Variants in TACC2 observed in about 807,000 individuals in gnomAD.
The protein encoded by TACC2 is transforming acidic coiled-coil-containing protein 2.
TACC2 carries 137 observed loss-of-function variants against 227.3 expected under a neutral mutation model. That is an observed-to-expected ratio of 0.60 (90% CI 0.52 to 0.69). The LOEUF is 0.69. Ranked by LOEUF, TACC2 falls within the 30% of genes least tolerant of loss-of-function variation. The probability of loss-of-function intolerance (pLI) is 0.00; values close to 1 mark genes in which losing one functional copy is unlikely to be tolerated. For synonymous variants in TACC2, 1,523 were observed against 1,487.5 expected (o/e 1.02, Z -0.55); for missense variants, 3,470 against 3,694.4 (o/e 0.94, Z 1.57).
rs1394419746 is a variant in TACC2, at chr10:122,228,002, T to A, written c.7890T>A (p.Ile2630=). The part of the protein sequence containing the change: ...AMGLGTPSEA[I]EITAPEGSFA... ...GCTTGGGCACCCCTTCAGAAGCGAT[T>A]GAAATTGTAAGTGGAGTTGGAGGGC... Residue 2630 remains isoleucine, a synonymous_variant, in exon 14 of 23, where the codon ATT becomes ATA. Coordinates refer to ENST00000369005, the MANE Select transcript of TACC2 (RefSeq NM_206862.4). 3 of 1,612,284 alleles carry A rather than the reference T, an allele frequency of 1.9e-6. No homozygotes were observed. Among genetic ancestry groups the A allele is most frequent in the Non-Finnish European group, 2.5e-6 (3 of 1,179,316 alleles).
At chr10:122,213,484 G>A (rs547793186) in intron 9 of TACC2, 516 of 1,166,742 alleles carry the variant, frequency 4.4e-4, no homozygotes, top group Non-Finnish European at 6.3e-4. Flanking sequence ...TGCTACTGAT[G>A]TGTTTCTGTG....
chr10:122,027,356 G>A (rs547512782), intron 2 of TACC2, among the ~76,000 whole-genome samples: 1 of 152,288 alleles, frequency 6.6e-6, no homozygotes, highest in African/African-American at 2.4e-5. Context: ...TTTGGATAAA[G>A]TGTGCCTTTT....
At chr10:122,142,404 G>T (rs1386185393) in intron 6 of TACC2, among the ~76,000 whole-genome samples, 2 of 152,246 alleles carry the variant, frequency 1.3e-5, no homozygotes, top group Non-Finnish European at 2.9e-5. Flanking sequence ...GGGCTGGGAA[G>T]TGCCTGCTGG....
At chr10:122,165,843 TTGCTAGCATC>T (rs537461935) in intron 7 of TACC2, among the ~76,000 whole-genome samples, 115 of 152,342 alleles carry the variant, frequency 7.5e-4, no homozygotes, top group African/African-American at 2.8e-3. Flanking sequence ...GCCAGTGCCA[TTGCTAGCATC>T]TGTCCTCTTC....
intron 7 of TACC2, among the ~76,000 whole-genome samples, chr10:122,187,158 G>A (rs2094228944): frequency 6.6e-6 from 1 of 152,182 alleles, no homozygotes; most frequent in African/African-American, 2.4e-5. Flanking sequence ...TTTGTGTTGG[G>A]GAGTGAGGAG....
rs140230252 is a variant in TACC2 at position 122,222,287 on chromosome 10, A to G, written c.7547-2439A>G. On this transcript the variant is annotated intron_variant, in intron 11 of 22. Transcript: ENST00000369005. Reference sequence around the variant, plus strand: ...AAGTTCAGGAAGATGTTTTCTCAAAATAGCAGAGATCACCCAAGATGACAG... The same window carrying G: ...AAGTTCAGGAAGATGTTTTCTCAAAGTAGCAGAGATCACCCAAGATGACAG... Among the ~76,000 whole-genome samples, 317 of 152,340 alleles carry G rather than the reference A, an allele frequency of 2.1e-3. 3 individuals are homozygous for G. The highest frequency in any genetic ancestry group is 7.5e-3 in the African/African-American group (313 of 41,578).
chr10:122,156,397 T>C (rs2092478048), intron 7 of TACC2, among the ~76,000 whole-genome samples: 1 of 151,122 alleles, frequency 6.6e-6, no homozygotes, highest in Non-Finnish European at 1.5e-5. Flanking sequence ...CTAATTTTTT[T>C]GTATTTTTAG....
intron 7 of TACC2, among the ~76,000 whole-genome samples, chr10:122,182,598 C>G (rs2140301913): frequency 6.6e-6 from 1 of 152,294 alleles, no homozygotes; most frequent in African/African-American, 2.4e-5. Flanking sequence ...TAAGAGCCTT[C>G]AAATCCTTTC....
chr10:122,036,414 C>T (rs1194013051), intron 2 of TACC2, among the ~76,000 whole-genome samples: 2 of 151,472 alleles, frequency 1.3e-5, no homozygotes, highest in South Asian at 2.1e-4. Flanking sequence ...AGGATGGTCT[C>T]GATCTCCTGA....
chr10:122,040,093 C>T (rs983326100), intron 2 of TACC2, among the ~76,000 whole-genome samples: 2 of 152,160 alleles, frequency 1.3e-5, no homozygotes, highest in African/African-American at 4.8e-5. Context: ...TCAGGGGGCT[C>T]TAAGCAGCCT....
chr10:122,104,051 G>A (rs144401495), intron 5 of TACC2, among the ~76,000 whole-genome samples: 35 of 152,296 alleles, frequency 2.3e-4, no homozygotes, highest in African/African-American at 7.7e-4. Flanking sequence ...TGAAGGCAAG[G>A]ATGTTGTCTT....
At position 122,083,083 on chromosome 10, in the gene TACC2, G is replaced by A; in HGVS notation, c.583G>A (p.Asp195Asn). 6.2e-7 allele frequency: 1 copy of A among 1,612,844 alleles called. No homozygotes were observed. Among genetic ancestry groups the A allele is most frequent in the Non-Finnish European group, 8.5e-7 (1 of 1,180,012 alleles). ...CTCCTTCTCCTTCTCCAGTGGCATCGACCAGTCACCTGGAATGTCGCCAGT... is the reference window on the plus strand; with the variant it reads ...CTCCTTCTCCTTCTCCAGTGGCATCAACCAGTCACCTGGAATGTCGCCAGT... ...KSSFSFSSGI[D>N]QSPGMSPVPL... Residue 195 changes from aspartate (D) to asparagine (N), a missense_variant, in exon 4 of 23, where the codon GAC becomes AAC. Transcript: ENST00000369005.
At position 122,254,191 on chromosome 10, in the gene TACC2, T is replaced by C. The variant is rs2096299626; in HGVS notation, c.*135T>C. ...TACTGTATTTCCTTTCTAAATAAAA[T>C]TGATTTGATTGTATGCAGTACTAAG... On this transcript the variant is annotated 3_prime_UTR_variant, in exon 23 of 23. Transcript: ENST00000369005. The C allele has an allele frequency of 1.3e-6, 1 of 775,822 alleles. No individual in the cohort carries two copies. The highest frequency in any genetic ancestry group is 2.6e-5 in the East Asian group (1 of 38,104). 48.1% of individuals were successfully genotyped at this position (775,822 alleles called of 1,614,324 possible). A position where few individuals can be genotyped will look rare whatever the true frequency, so the allele number is the denominator to read the frequency against.
At chr10:122,151,549 C>A (rs2092040102) in intron 7 of TACC2, among the ~76,000 whole-genome samples, 1 of 152,066 alleles carries the variant, frequency 6.6e-6, no homozygotes, top group Admixed American at 6.5e-5. Flanking sequence ...TTAGAGGGGC[C>A]TGCAGCCAGA....
intron 2 of TACC2, among the ~76,000 whole-genome samples, chr10:122,031,228 T>C (rs1208546065): frequency 3.3e-5 from 5 of 152,026 alleles, no homozygotes. Flanking sequence ...GCTGCAATAG[T>C]GGCTGAGTCC....
Position 122,085,010 on chromosome 10 carries a change from C to T in TACC2, c.2510C>T (p.Pro837Leu). 1 of 1,614,206 alleles carries T rather than the reference C, an allele frequency of 6.2e-7. No homozygotes were observed. Among genetic ancestry groups the T allele is most frequent in the Non-Finnish European group, 8.5e-7 (1 of 1,180,040 alleles). Reference protein sequence around the residue: ...EKHLQPSQAQPETSIFDVLKE... With the variant: ...EKHLQPSQAQLETSIFDVLKE... ...CATCTCCAGCCATCCCAGGCACAAC[C>T]AGAGACATCCATCTTTGACGTGCTC... is the stretch of plus-strand genomic sequence containing the variant. The change falls in exon 4 of 23, where the codon CCA (proline) becomes CTA (leucine). Residue 837 changes from proline to leucine, a missense_variant. By Grantham distance (98) the Pro-to-Leu change is moderately conservative. This residue lies in a region of TACC2 where 1,924 missense variants were observed against 1,978.3 expected (regional missense o/e 0.97). Transcript: ENST00000369005.
rs1048926715 is a variant in TACC2 at position 122,150,024 on chromosome 10, T to A, written c.5834+6318T>A. ...CGGAGTGGGTGCTGGGCTGTCCCGC[T>A]GGCTTCAGCCTGAGGAGCAGGAGCA... On this transcript the variant is annotated intron_variant, in intron 7 of 22. Transcript: ENST00000369005. The surrounding 1 kb of genome is among the most constrained non-coding windows in gnomAD (Gnocchi z 4.0). Among the ~76,000 whole-genome samples, 1 of 152,196 alleles carries A rather than the reference T, an allele frequency of 6.6e-6. No individual in the cohort carries two copies. Among genetic ancestry groups the A allele is most frequent in the Non-Finnish European group, 1.5e-5 (1 of 68,038 alleles).
chr10:122,006,365 T>C (rs1311777074), intron 1 of TACC2, among the ~76,000 whole-genome samples: 1 of 151,924 alleles, frequency 6.6e-6, no homozygotes, highest in Non-Finnish European at 1.5e-5. Context: ...AGGAGAATGG[T>C]GTGAACCTGG....
At chr10:122,112,876 G>A (rs1277857212) in intron 5 of TACC2, among the ~76,000 whole-genome samples, 2 of 152,020 alleles carry the variant, frequency 1.3e-5, no homozygotes, top group African/African-American at 4.8e-5. Context: ...GGCGCGCCCG[G>A]CCCCGCGCAT....
Sources: allele counts gnomAD v4.1 joint callset (sites outside exome capture counted in the v4.1 genomes callset), GRCh38; gene constraint gnomAD v4.1.1; regional missense constraint gnomAD v4.1.1; non-coding constraint Gnocchi (gnomAD v3.1); transcripts MANE v1.5; gene names NCBI Gene and HGNC (gene_info 2026-07-23, HGNC 2026-07-21).